The following NUDT14 variants were observed in gnomAD, a reference collection of about 807,000 sequenced individuals.
The protein encoded by NUDT14 is nudix hydrolase 14.
NUDT14 carries 22 observed loss-of-function variants against 17.5 expected under a neutral mutation model. The ratio of observed to expected loss-of-function variants is 1.26; its 90% CI spans 0.90 to 1.80. NUDT14 has a LOEUF of 1.80. Ranked by LOEUF, NUDT14 falls within the 40% of genes most tolerant of loss-of-function variation. The probability of loss-of-function intolerance (pLI) is 0.00; values close to 1 mark genes in which losing one functional copy is unlikely to be tolerated. For missense variants in NUDT14, 296 were observed against 295.6 expected, an observed-to-expected ratio of 1.00 and a Z score of -0.01; for synonymous variants, 129 against 125.8, an observed-to-expected ratio of 1.03 and a Z score of -0.17.
intron 1 of NUDT14, among the ~76,000 whole-genome samples, chr14:105,178,924 G>C (rs968463399): frequency 1.3e-5 from 2 of 152,138 alleles, no homozygotes; most frequent in Non-Finnish European, 2.9e-5. Flanking sequence ...TCCCGCGCAG[G>C]TCAGGCAGCC....
chr14:105,175,661 A>G (rs1042108552), intron 4 of NUDT14: 47 of 960,606 alleles, frequency 4.9e-5, no homozygotes, highest in Non-Finnish European at 5.5e-5. Context: ...CGGCCTCCCA[A>G]AGTGCTGGGA....
chr14:105,178,215 C>T (rs747377745), intron 1 of NUDT14, among the ~76,000 whole-genome samples: 5 of 151,878 alleles, frequency 3.3e-5, no homozygotes, highest in Non-Finnish European at 7.4e-5. Flanking sequence ...GGGGCCGGCA[C>T]CAGGAGTGGA....
intron 1 of NUDT14, 134 bp downstream of exon 1, chr14:105,180,995 C>G (rs1284452824): frequency 4.0e-6 from 1 of 247,864 alleles, no homozygotes; most frequent in East Asian, 1.7e-4. Flanking sequence ...GGACAAGCGG[C>G]CGCCCGGGAG....
rs1206321577 is a variant in NUDT14, at chr14:105,174,558, C to T, written c.429-1297G>A. On this transcript the variant is annotated intron_variant, in intron 4 of 4. Transcript: ENST00000392568. ...ACCTCCGGGGGGACTCACCCCAGAC[C>T]GACCTTACCCAGCTGCTTCCTTGCC... 5.3e-5 allele frequency among the ~76,000 whole-genome samples: 8 copies of T among 152,274 alleles called. No individual in the cohort carries two copies. In the East Asian group the frequency reaches 1.4e-3, roughly 26 times the overall value.
At position 105,176,724 on chromosome 14, in the gene NUDT14, C is replaced by G. The variant is rs1330248582; in HGVS notation, c.238G>C (p.Ala80Pro). The change falls in exon 4 of 5, where the codon GCT becomes CCT. Residue 80 changes from alanine (A) to proline (P), a missense_variant. Ala to Pro is a conservative substitution (Grantham distance 27). Coordinates refer to ENST00000392568, the MANE Select transcript of NUDT14 (RefSeq NM_177533.5). The stretch of plus-strand genomic sequence containing the variant: ...TCCCGAGGCCCGTCCTGGTCTACAG[C>G]TGCTAGGGACCCTGGGAAGCGGCGC... ...VERRFPGSLA[A>P]VDQDGPRELQ... The G allele has an allele frequency of 6.2e-7, 1 of 1,612,722 alleles. No homozygotes were observed. The highest frequency in any genetic ancestry group is 8.5e-7 in the Non-Finnish European group (1 of 1,179,976).
At position 105,173,656 on chromosome 14, in the gene NUDT14, C is replaced by T. The variant is rs1045781588; in HGVS notation, c.429-395G>A. ...CTGCTGGCCCTGAAGGGGAAGCAAC[C>T]GCCATGCTGGGAAGGGCCAACAGCC... is the stretch of plus-strand genomic sequence containing the variant. On this transcript the variant is annotated intron_variant, in intron 4 of 4. Transcript: ENST00000392568. The surrounding 1 kb of genome is among the most constrained non-coding windows in gnomAD (Gnocchi z 4.7). 7 of 163,522 alleles carry T rather than the reference C, an allele frequency of 4.3e-5. No homozygotes were observed. The highest frequency in any genetic ancestry group is 7.9e-5 in the Non-Finnish European group (6 of 75,928). The allele number at this position is 163,522 out of a possible 1,614,324, so 10.1% of individuals were successfully genotyped here.
At chr14:105,176,456 A>G in intron 4 of NUDT14, 78 bp downstream of exon 4, 2 of 1,174,422 alleles carry the variant, frequency 1.7e-6, no homozygotes, top group South Asian at 2.5e-5. Flanking sequence ...TCCTGCTTGC[A>G]CACTCCCAGG....
chr14:105,181,202 C>T lies in NUDT14; in HGVS notation c.8G>A (p.Arg3His), dbSNP rs762860734. The T allele has an allele frequency of 1.0e-5, 12 of 1,156,368 alleles. No homozygotes were observed. Among genetic ancestry groups the T allele is most frequent in the African/African-American group, 1.7e-5 (1 of 59,964 alleles). 71.6% of individuals were successfully genotyped at this position (1,156,368 alleles called of 1,614,324 possible). ME[R>H]IEGASVGRCA... ...GCGGCCCACGGACGCCCCCTCGATG[C>T]GCTCCATGGCGGCGCCCGGACAGGC... Residue 3 changes from arginine to histidine, a missense_variant, in exon 1 of 5, where the codon CGC becomes CAC. Physicochemically the swap from Arg to His is conservative, Grantham distance 29. Coordinates refer to ENST00000392568, the MANE Select transcript of NUDT14 (RefSeq NM_177533.5). This position sits in a 1 kb window ranked among gnomAD's most constrained non-coding sequence, Gnocchi z 5.0.
In NUDT14 at chr14:105,173,999, C is replaced by G. The variant is rs1461392571; in HGVS notation, c.429-738G>C. On this transcript the variant is annotated intron_variant, in intron 4 of 4. Coordinates refer to ENST00000392568, the MANE Select transcript of NUDT14 (RefSeq NM_177533.5). The surrounding 1 kb of genome is among the most constrained non-coding windows in gnomAD (Gnocchi z 4.7). The stretch of plus-strand genomic sequence containing the variant: ...CACCAGGCCTTCCCGCAAGGGTTCC[C>G]CACCAGGCACCCACAGGACACAAGT... 6.6e-6 allele frequency among the ~76,000 whole-genome samples: 1 copy of G among 152,086 alleles called. No homozygotes were observed. Among genetic ancestry groups the G allele is most frequent in the South Asian group, 2.1e-4 (1 of 4,828 alleles).
At chr14:105,179,030 G>A (rs77073805) in intron 1 of NUDT14, among the ~76,000 whole-genome samples, 4,393 of 152,214 alleles carry the variant, frequency 0.029, 234 homozygotes, top group African/African-American at 0.1. Flanking sequence ...CAGGCTCCAG[G>A]GAAGCCCCCT....
Position 105,177,016 on chromosome 14 carries a change from A to G in NUDT14, c.137T>C (p.Leu46Pro). The change falls in exon 3 of 5, where the codon CTC (leucine) becomes CCC (proline). Residue 46 changes from leucine (L) to proline (P), a missense_variant. Leu to Pro is a moderately conservative substitution (Grantham distance 98). Coordinates refer to ENST00000392568, the MANE Select transcript of NUDT14 (RefSeq NM_177533.5). ...FMKTHDSVTVLLFNSSRRSLV... is the reference protein window; with the variant it reads ...FMKTHDSVTVPLFNSSRRSLV... ...GCTCCTCCGAGAAGAGTTGAATAAG[A>G]GAACGGTCACGCTGTGTACGGGGGG... is the stretch of plus-strand genomic sequence containing the variant. 1 of 1,611,776 alleles carries G rather than the reference A, an allele frequency of 6.2e-7. No homozygotes were observed. Among genetic ancestry groups the G allele is most frequent in the Non-Finnish European group, 8.5e-7 (1 of 1,179,758 alleles).
Position 105,181,195 on chromosome 14 carries a change from C to CT in NUDT14, c.14dup (p.Ala7GlyfsTer35). 3.4e-6 allele frequency: 4 copies of CT among 1,174,192 alleles called. No individual in the cohort carries two copies. Among genetic ancestry groups the CT allele is most frequent in the Non-Finnish European group, 4.2e-6 (4 of 943,908 alleles). The allele number at this position is 1,174,192 out of a possible 1,614,324, so 72.7% of individuals were successfully genotyped here. A position where few individuals can be genotyped will look rare whatever the true frequency, so the allele number is the denominator to read the frequency against. Reference sequence around the variant, plus strand: ...CGGCGCAGCGGCCCACGGACGCCCCCTCGATGCGCTCCATGGCGGCGCCCG... The same window carrying CT: ...CGGCGCAGCGGCCCACGGACGCCCCCTTCGATGCGCTCCATGGCGGCGCCCG... On this transcript the variant is annotated frameshift_variant, in exon 1 of 5. Transcript: ENST00000392568. LOFTEE classifies it high-confidence loss of function. The surrounding 1 kb of genome is among the most constrained non-coding windows in gnomAD (Gnocchi z 5.0).
rs1306278645 is a variant in NUDT14, at chr14:105,172,984, G to A, written c.*37C>T. On this transcript the variant is annotated 3_prime_UTR_variant, in exon 5 of 5. Transcript: ENST00000392568. ...TTGGGGTCCGCGGGGTGTGGGGTGA[G>A]TGGCCAAGACTGGCCTCTGTCTAGA... 4.8e-6 allele frequency: 7 copies of A among 1,462,574 alleles called. No individual in the cohort carries two copies. Among genetic ancestry groups the A allele is most frequent in the Non-Finnish European group, 6.3e-6 (7 of 1,107,322 alleles). 90.6% of individuals were successfully genotyped at this position (1,462,574 alleles called of 1,614,324 possible). A position where few individuals can be genotyped will look rare whatever the true frequency, so the allele number is the denominator to read the frequency against.
At chr14:105,177,641 T>A in intron 2 of NUDT14, 51 bp downstream of exon 2, 1 of 1,577,994 alleles carries the variant, frequency 6.3e-7, no homozygotes, top group Non-Finnish European at 8.7e-7. Flanking sequence ...AGTGTCCCCG[T>A]AGACATCAGT....
Position 105,173,418 on chromosome 14 carries a change from G to T in NUDT14, c.429-157C>A. On this transcript the variant is annotated intron_variant, in intron 4 of 4. Coordinates refer to ENST00000392568, the MANE Select transcript of NUDT14 (RefSeq NM_177533.5). The surrounding 1 kb of genome is among the most constrained non-coding windows in gnomAD (Gnocchi z 4.7). Reference sequence around the variant, plus strand: ...CCCTCTCCCACCCGGATTCCCACCTGGTGTGCACGCCCGTGGCCCCTCCCG... The same window carrying T: ...CCCTCTCCCACCCGGATTCCCACCTTGTGTGCACGCCCGTGGCCCCTCCCG... 1 of 800,008 alleles carries T rather than the reference G, an allele frequency of 1.2e-6. No individual in the cohort carries two copies. The highest frequency in any genetic ancestry group is 1.8e-6 in the Non-Finnish European group (1 of 569,564). 49.6% of individuals were successfully genotyped at this position (800,008 alleles called of 1,614,324 possible).
At chr14:105,177,284 G>A (rs753672375) in intron 2 of NUDT14, 43 of 625,152 alleles carry the variant, frequency 6.9e-5, no homozygotes, top group Admixed American at 2.5e-4. Context: ...GGACACACGG[G>A]CAGCTGAGTA....
intron 2 of NUDT14, 51 bp from the exon 3 acceptor site, chr14:105,177,078 G>A (rs1202988978): frequency 1.3e-5 from 21 of 1,564,138 alleles, no homozygotes; most frequent in Non-Finnish European, 1.7e-5. Context: ...TGGCCCTCGT[G>A]GGGCCCCACC....
In NUDT14 at chr14:105,173,442, C is replaced by A. The variant is rs112062556; in HGVS notation, c.429-181G>T. 5.6e-6 allele frequency: 3 copies of A among 532,760 alleles called. No homozygotes were observed. The highest frequency in any genetic ancestry group is 8.2e-5 in the Admixed American group (2 of 24,456). The allele number at this position is 532,760 out of a possible 1,614,324, so 33.0% of individuals were successfully genotyped here. ...TGGTGTGCACGCCCGTGGCCCCTCC[C>A]GCAGCAGGGCATCCCTTCCCTGATC... On this transcript the variant is annotated intron_variant, in intron 4 of 4. Transcript: ENST00000392568. This position sits in a 1 kb window ranked among gnomAD's most constrained non-coding sequence, Gnocchi z 4.7.
intron 4 of NUDT14, among the ~76,000 whole-genome samples, chr14:105,174,648 C>T (rs1412339253): frequency 1.3e-5 from 2 of 152,190 alleles, no homozygotes; most frequent in Non-Finnish European, 2.9e-5. Context: ...GCCGCGGCTG[C>T]GCCTCTGAGG....
Sources: gnomAD v4.1 joint callset for allele counts (sites outside exome capture counted in the v4.1 genomes callset) on GRCh38, gnomAD v4.1.1 for gene constraint, Gnocchi (gnomAD v3.1) non-coding constraint, MANE v1.5 for transcripts, NCBI Gene and HGNC (gene_info 2026-07-23, HGNC 2026-07-21) for gene names.